The following RGS5 variants were observed in gnomAD, a reference collection of about 807,000 sequenced individuals.
RGS5 encodes regulator of G-protein signalling 5.
A neutral mutation model predicts 18.9 loss-of-function variants in RGS5; 20 were observed. That is an observed-to-expected ratio of 1.06 (90% CI 0.74 to 1.54). RGS5 has a LOEUF of 1.54. Among genes scored for constraint, RGS5 ranks in the 40% most tolerant of loss-of-function variants. RGS5 has a pLI of 0.00. For missense variants in RGS5, 201 were observed against 211.8 expected (o/e 0.95, Z 0.32); for synonymous variants, 57 against 76.2 (o/e 0.75, Z 1.31).
chr1:163,166,878 G>A (rs899937604), intron 2 of RGS5, among the ~76,000 whole-genome samples: 2 of 152,050 alleles, frequency 1.3e-5, no homozygotes, highest in African/African-American at 4.8e-5. Context: ...TAATACCAAC[G>A]GATCAATAAA....
intron 1 of RGS5, among the ~76,000 whole-genome samples, chr1:163,198,867 C>T (rs987163481): frequency 6.6e-6 from 1 of 151,836 alleles, no homozygotes; most frequent in African/African-American, 2.4e-5. Context: ...ACAGGGTCTC[C>T]CTGTGTTGCC....
intron 2 of RGS5, among the ~76,000 whole-genome samples, chr1:163,280,440 A>G (rs1439720929): frequency 6.6e-6 from 1 of 152,182 alleles, no homozygotes; most frequent in Admixed American, 6.6e-5. Context: ...ATGAAAAAAA[A>G]TTTCATAAAA....
intron 1 of RGS5, among the ~76,000 whole-genome samples, chr1:163,216,293 G>A (rs1442040869): frequency 6.6e-6 from 1 of 152,072 alleles, no homozygotes; most frequent in Non-Finnish European, 1.5e-5. Flanking sequence ...GGCAAGAGAG[G>A]GGGACATGAG....
chr1:163,298,015 A>T (rs1039361679), intron 2 of RGS5, among the ~76,000 whole-genome samples: 1 of 152,132 alleles, frequency 6.6e-6, no homozygotes, highest in Non-Finnish European at 1.5e-5. Flanking sequence ...CTGAAAGAAA[A>T]GTACAGCCAC....
At chr1:163,229,800 C>T (rs12130821) in intron 2 of RGS5, among the ~76,000 whole-genome samples, 9,831 of 152,232 alleles carry the variant, frequency 0.065, 415 homozygotes, top group South Asian at 0.15. Context: ...ACTCTCCTTA[C>T]GTCCTTCCTG....
chr1:163,240,159 T>C (rs934683267), intron 2 of RGS5, among the ~76,000 whole-genome samples: 4 of 152,106 alleles, frequency 2.6e-5, no homozygotes, highest in African/African-American at 9.7e-5. Context: ...CAGTGAGTTA[T>C]ATAAAATAAT....
chr1:163,260,544 T>C (rs536072446), intron 2 of RGS5: 8 of 152,140 alleles, frequency 5.3e-5, no homozygotes, highest in African/African-American at 1.4e-4. Context: ...AAAAATTGCA[T>C]ATTAGGTATA....
At chr1:163,239,622 G>A (rs1448381442) in intron 2 of RGS5, among the ~76,000 whole-genome samples, 1 of 152,070 alleles carries the variant, frequency 6.6e-6, no homozygotes, top group Non-Finnish European at 1.5e-5. Flanking sequence ...CTGTTAGTGA[G>A]ATTTTGGAAA....
intron 1 of RGS5, among the ~76,000 whole-genome samples, chr1:163,208,347 CAAAAAAAAAAAA>C (rs55848330): frequency 0.15 from 5,718 of 38,348 alleles, 579 homozygotes; most frequent in African/African-American, 0.33. Flanking sequence ...GACTCCGTCT[CAAAAAAAAAAAA>C]AAAAAAAAAA....
At chr1:163,246,056 A>G (rs1257300015) in intron 2 of RGS5, among the ~76,000 whole-genome samples, 1 of 151,516 alleles carries the variant, frequency 6.6e-6, no homozygotes, top group Non-Finnish European at 1.5e-5. Context: ...TCTACTAAAA[A>G]AATACAAAAA....
In RGS5 at chr1:163,256,582, C is replaced by T. The variant is rs1008795165; in HGVS notation, c.-281+49651G>A. 6.6e-5 allele frequency among the ~76,000 whole-genome samples: 10 copies of T among 152,238 alleles called. 1 individual carries two copies. Among genetic ancestry groups the T allele is most frequent in the African/African-American group, 1.4e-4 (6 of 41,542 alleles). ...GGGTTATAATTAATTGCAACAGCAC[C>T]GTTGCTTAAAAGGAACTTCACAAAG... On this transcript the variant is annotated intron_variant, in intron 2 of 5. Transcript: ENST00000618415.
At chr1:163,297,245 T>C (rs1649443430) in intron 2 of RGS5, among the ~76,000 whole-genome samples, 2 of 152,160 alleles carry the variant, frequency 1.3e-5, no homozygotes, top group Admixed American at 1.3e-4. Context: ...TTTTATAGCA[T>C]GGTGCTTGTG....
At position 163,152,186 on chromosome 1, in the gene RGS5, C is replaced by T. The variant is rs74421139; in HGVS notation, c.384+364G>A. 8.7e-3 allele frequency among the ~76,000 whole-genome samples: 1,330 copies of T among 152,170 alleles called. 17 individuals carry two copies. Among genetic ancestry groups the T allele is most frequent in the African/African-American group, 0.031 (1,282 of 41,508 alleles). ...TGTTCAACCTGTATAAGTTTTTACA[C>T]CCACTATTTAATTTAATCCTCACAA... On this transcript the variant is annotated intron_variant, in intron 4 of 4. Coordinates refer to ENST00000313961, the MANE Select transcript of RGS5 (RefSeq NM_003617.4).
At chr1:163,153,071 C>A (rs1358496065) in intron 3 of RGS5, among the ~76,000 whole-genome samples, 1 of 152,140 alleles carries the variant, frequency 6.6e-6, no homozygotes, top group Non-Finnish European at 1.5e-5. Context: ...ACACTAATGC[C>A]ATTCTGGACA....
chr1:163,204,452 C>T (rs140403438), upstream of RGS5, among the ~76,000 whole-genome samples: 1,176 of 152,134 alleles, frequency 7.7e-3, 8 homozygotes, highest in Non-Finnish European at 0.012. Context: ...TGGGCACAAG[C>T]GATCCTCCCA....
chr1:163,220,509 A>C (rs1164587012), upstream of RGS5, among the ~76,000 whole-genome samples: 1 of 152,140 alleles, frequency 6.6e-6, no homozygotes, highest in Non-Finnish European at 1.5e-5. Flanking sequence ...CAGTTTCAAA[A>C]AGTCTAGCTC....
At chr1:163,228,694 G>C (rs1342464770) in intron 2 of RGS5, among the ~76,000 whole-genome samples, 3 of 152,146 alleles carry the variant, frequency 2.0e-5, no homozygotes, top group Admixed American at 1.3e-4. Context: ...TGCATCATCA[G>C]GCTGCAAATT....
intron 2 of RGS5, among the ~76,000 whole-genome samples, chr1:163,252,687 T>C (rs1199539573): frequency 6.6e-6 from 1 of 152,184 alleles, no homozygotes; most frequent in Non-Finnish European, 1.5e-5. Flanking sequence ...ACCATTCTCC[T>C]GACTTGCATA....
upstream of RGS5, among the ~76,000 whole-genome samples, chr1:163,219,404 T>C (rs943689591): frequency 3.3e-5 from 5 of 152,146 alleles, no homozygotes; most frequent in African/African-American, 1.2e-4. Context: ...AATCCATACT[T>C]TTGCATCTTG....
Sources: gnomAD v4.1 joint callset for allele counts (sites outside exome capture counted in the v4.1 genomes callset) on GRCh38, gnomAD v4.1.1 for gene constraint, MANE v1.5 for transcripts, NCBI Gene and HGNC (gene_info 2026-07-23, HGNC 2026-07-21) for gene names.